RBFOX1: variants seen among roughly 807,000 people sequenced by gnomAD.
The protein encoded by RBFOX1 is RNA binding protein fox-1 homolog 1.
In RBFOX1, 8 loss-of-function variants were observed where a neutral mutation model predicts 57.7. The ratio of observed to expected loss-of-function variants is 0.14; its 90% confidence interval spans 0.08 to 0.25. The LOEUF is 0.25. Ranked by LOEUF, RBFOX1 falls within the 10% of genes least tolerant of loss-of-function variation. The pLI is 1.00. For missense variants in RBFOX1, 611 were observed against 548.5 expected (o/e 1.11, Z -1.14); for synonymous variants, 326 against 222.4 (o/e 1.47, Z -4.15).
intron 4 of RBFOX1, among the ~76,000 whole-genome samples, chr16:7,144,006 C>G (rs1049717782): frequency 4.6e-5 from 7 of 152,050 alleles, no homozygotes; most frequent in South Asian, 2.1e-4. Context: ...TTGGAACATT[C>G]ATAGTTTGGT....
chr16:5,748,771 C>T (rs553441764), intron 3 of RBFOX1, among the ~76,000 whole-genome samples: 2 of 152,096 alleles, frequency 1.3e-5, no homozygotes, highest in Non-Finnish European at 2.9e-5. Flanking sequence ...TGTCTCTGCA[C>T]ATGAGATGGG....
At chr16:7,633,329 A>G (rs2061277872) in intron 11 of RBFOX1, among the ~76,000 whole-genome samples, 1 of 152,236 alleles carries the variant, frequency 6.6e-6, no homozygotes, top group Non-Finnish European at 1.5e-5. Flanking sequence ...AAAATTAACA[A>G]TTATGAAATT....
intron 3 of RBFOX1, among the ~76,000 whole-genome samples, chr16:6,727,498 G>A (rs114690150): frequency 0.027 from 4,031 of 151,682 alleles, 166 homozygotes; most frequent in African/African-American, 0.088. Context: ...TGGATTATAC[G>A]CAAATTGTAC....
intron 3 of RBFOX1, among the ~76,000 whole-genome samples, chr16:6,885,372 C>A (rs959594078): frequency 6.6e-6 from 1 of 152,008 alleles, no homozygotes; most frequent in Non-Finnish European, 1.5e-5. Context: ...GGGGGGTTGC[C>A]GAAGCATGCT....
chr16:6,233,699 C>T (rs2097483398), intron 1 of RBFOX1, among the ~76,000 whole-genome samples: 1 of 152,108 alleles, frequency 6.6e-6, no homozygotes. Context: ...GCCTCCACCT[C>T]CTGGCCTCAA....
At chr16:5,661,787 C>T (rs533667632) in intron 3 of RBFOX1, among the ~76,000 whole-genome samples, 1 of 152,060 alleles carries the variant, frequency 6.6e-6, no homozygotes, top group South Asian at 2.1e-4. Flanking sequence ...AAAACTTAGC[C>T]TTTTTTTATT....
chr16:7,525,010 AC>A (rs2078371569), intron 5 of RBFOX1, among the ~76,000 whole-genome samples: 1 of 152,164 alleles, frequency 6.6e-6, no homozygotes, highest in Non-Finnish European at 1.5e-5. Flanking sequence ...AATACCCACA[AC>A]CCAAATTCTT....
intron 2 of RBFOX1, among the ~76,000 whole-genome samples, chr16:6,413,076 T>C (rs188173868): frequency 1.5e-4 from 23 of 152,330 alleles, no homozygotes; most frequent in African/African-American, 5.5e-4. Flanking sequence ...TCCCAGCACT[T>C]TGGGAGGCCA....
chr16:5,509,464 A>G (rs2043501480), intron 2 of RBFOX1, among the ~76,000 whole-genome samples: 1 of 152,210 alleles, frequency 6.6e-6, no homozygotes, highest in Non-Finnish European at 1.5e-5. Context: ...GTCTCCAATG[A>G]CAAGCACTGT....
At chr16:7,550,091 G>C (rs1266645846) in intron 5 of RBFOX1, among the ~76,000 whole-genome samples, 1 of 150,834 alleles carries the variant, frequency 6.6e-6, no homozygotes, top group Admixed American at 6.6e-5. Flanking sequence ...CACCATGCCT[G>C]GCTAATTTTT....
intron 1 of RBFOX1, among the ~76,000 whole-genome samples, chr16:5,319,716 C>G (rs1168608548): frequency 6.6e-6 from 1 of 152,178 alleles, no homozygotes; most frequent in Non-Finnish European, 1.5e-5. Flanking sequence ...GCAATCACAA[C>G]TCTAAAATCT....
rs527559121 is a variant in RBFOX1, at chr16:6,742,709, A to G, written c.-16+88059A>G. Among the ~76,000 whole-genome samples, 8 of 152,330 alleles carry G rather than the reference A, an allele frequency of 5.3e-5. No homozygotes were observed. In the East Asian group the frequency reaches 7.7e-4, roughly 15 times the overall value. On this transcript the variant is annotated intron_variant, in intron 3 of 15. Coordinates refer to ENST00000550418, the MANE Select transcript of RBFOX1 (RefSeq NM_018723.4). ...ACCTGTGATGAATCTCAAGGGCACA[A>G]TGTTGAATGAAAATTAAAACAGTCT...
chr16:5,710,019 C>T (rs912838214), intron 3 of RBFOX1, among the ~76,000 whole-genome samples: 2 of 150,528 alleles, frequency 1.3e-5, no homozygotes, highest in Admixed American at 6.6e-5. Context: ...ACAGCCTGTA[C>T]GCTGAAGGGT....
chr16:6,661,385 C>T (rs559859200), intron 3 of RBFOX1, among the ~76,000 whole-genome samples: 2 of 152,064 alleles, frequency 1.3e-5, no homozygotes, highest in African/African-American at 4.8e-5. Context: ...ATGGCGAATG[C>T]AAGTCCAGTG....
chr16:6,905,620 T>G (rs2069673586), intron 3 of RBFOX1, among the ~76,000 whole-genome samples: 1 of 151,666 alleles, frequency 6.6e-6, no homozygotes, highest in South Asian at 2.1e-4. Context: ...TTGGACTTTG[T>G]GTTTATTCCA....
intron 4 of RBFOX1, among the ~76,000 whole-genome samples, chr16:7,071,287 C>G (rs2057282779): frequency 6.6e-6 from 1 of 151,954 alleles, no homozygotes; most frequent in African/African-American, 2.4e-5. Context: ...GCTGTGCATT[C>G]TGGTAGGTGG....
intron 3 of RBFOX1, among the ~76,000 whole-genome samples, chr16:5,746,982 T>C (rs2053009709): frequency 6.6e-6 from 1 of 152,196 alleles, no homozygotes; most frequent in Admixed American, 6.5e-5. Context: ...CTATGTTGAA[T>C]AGGAGTGGTG....
chr16:7,544,583 G>A (rs534555281), intron 5 of RBFOX1, among the ~76,000 whole-genome samples: 2 of 152,264 alleles, frequency 1.3e-5, no homozygotes, highest in South Asian at 4.1e-4. Flanking sequence ...ATTGCCAGGA[G>A]CTACCAGGAT....
chr16:6,934,237 T>G (rs2153480648), intron 3 of RBFOX1, among the ~76,000 whole-genome samples: 1 of 152,332 alleles, frequency 6.6e-6, no homozygotes, highest in South Asian at 2.1e-4. Context: ...GAGCGGTAAC[T>G]TGAGTCACTG....
Sources: gnomAD v4.1 joint callset for allele counts (sites outside exome capture counted in the v4.1 genomes callset) on GRCh38, gnomAD v4.1.1 for gene constraint, MANE v1.5 for transcripts, NCBI Gene and HGNC (gene_info 2026-07-23, HGNC 2026-07-21) for gene names.